WDR44: variants seen among roughly 807,000 people sequenced by gnomAD.
The protein encoded by WDR44 is WD repeat-containing protein 44.
In WDR44, 9 loss-of-function variants were observed where a neutral mutation model predicts 65.7. That is an observed-to-expected ratio of 0.14 (90% CI 0.08 to 0.24). WDR44 has a LOEUF of 0.24. WDR44 is among the 10% of genes least tolerant of loss of function. WDR44 has a pLI of 1.00. For missense variants in WDR44, 425 were observed against 670.9 expected (o/e 0.63, Z 4.05); for synonymous variants, 220 against 235.2 (o/e 0.94, Z 0.59).
At chrX:118,363,401 CAAAAAAA>C (rs58108879) in intron 1 of WDR44, among the ~76,000 whole-genome samples, 2 of 35,510 alleles carry the variant, frequency 5.6e-5, no homozygotes, top group African/African-American at 1.5e-4. Context: ...AACTCCGTCT[CAAAAAAA>C]AAAAAAAAAA....
intron 1 of WDR44, among the ~76,000 whole-genome samples, chrX:118,364,121 C>T (rs1335853834): frequency 8.9e-6 from 1 of 112,335 alleles, no homozygotes; most frequent in Non-Finnish European, 1.9e-5. Flanking sequence ...AATCAGAAAT[C>T]TCTGTTTTCC....
At chrX:118,381,969 C>G (rs1377036788) in intron 2 of WDR44, among the ~76,000 whole-genome samples, 1 of 111,272 alleles carries the variant, frequency 9.0e-6, no homozygotes, top group Non-Finnish European at 1.9e-5. Context: ...GTCTCAAGGA[C>G]TCCTCCCACC....
At chrX:118,409,143 T>C (rs921854630) in intron 10 of WDR44, among the ~76,000 whole-genome samples, 4 of 111,621 alleles carry the variant, frequency 3.6e-5, no homozygotes, top group African/African-American at 6.5e-5. Flanking sequence ...TTTATTATTA[T>C]TTTTAGATAG....
At chrX:118,404,607 T>G (rs1475561648) in intron 9 of WDR44, among the ~76,000 whole-genome samples, 163 bp downstream of exon 9, 1 of 112,425 alleles carries the variant, frequency 8.9e-6, no homozygotes, top group Non-Finnish European at 1.9e-5. Flanking sequence ...ATTTTATGAG[T>G]GTGAAGAAAA....
intron 2 of WDR44, among the ~76,000 whole-genome samples, chrX:118,385,399 A>G (rs2056757500): frequency 8.9e-6 from 1 of 112,019 alleles, no homozygotes; most frequent in African/African-American, 3.2e-5. Flanking sequence ...AAATCAATGC[A>G]GGAACAGAAA....
intron 12 of WDR44, among the ~76,000 whole-genome samples, chrX:118,420,204 A>G (rs1389091359): frequency 9.0e-6 from 1 of 111,648 alleles, no homozygotes; most frequent in African/African-American, 3.3e-5. Flanking sequence ...GCCACCAGCC[A>G]GCCAGGTTTT....
rs1401871160 is a variant in WDR44 at position 118,408,943 on chromosome X, G to C, written c.1534-546G>C. Among the ~76,000 whole-genome samples the C allele has an allele frequency of 4.5e-5, 5 of 111,740 alleles. No homozygotes were observed. The South Asian group carries it at 1.8e-3, about 41-fold the overall frequency. Reference sequence around the variant, plus strand: ...GGACAGGGTTTGAGTTCTTGAAGTTGTTAGTTTAGATTATGGAACACTACA... The same window carrying C: ...GGACAGGGTTTGAGTTCTTGAAGTTCTTAGTTTAGATTATGGAACACTACA... On this transcript the variant is annotated intron_variant, in intron 10 of 19. Coordinates refer to ENST00000254029, the MANE Select transcript of WDR44 (RefSeq NM_019045.5).
intron 12 of WDR44, among the ~76,000 whole-genome samples, chrX:118,431,530 C>T (rs1028068009): frequency 4.5e-5 from 5 of 111,064 alleles, no homozygotes; most frequent in Non-Finnish European, 9.4e-5. Context: ...CTTGAACTAC[C>T]GACCTCAGGT....
rs756433856 is a variant in WDR44 at position 118,441,570 on chromosome X, G to A, written c.2166+11G>A. The stretch of plus-strand genomic sequence containing the variant: ...TTCTATGATACAGAGGTAAATGATT[G>A]TTTTTTGTAAATTATATAATTGTAT... On this transcript the variant is annotated intron_variant, in intron 15 of 19. Coordinates refer to ENST00000254029, the MANE Select transcript of WDR44 (RefSeq NM_019045.5). The A allele has an allele frequency of 1.7e-6, 2 of 1,179,810 alleles. No homozygotes were observed. Among genetic ancestry groups the A allele is most frequent in the East Asian group, 6.0e-5 (2 of 33,477 alleles).
At chrX:118,390,827 G>A (rs1449889001) in intron 3 of WDR44, among the ~76,000 whole-genome samples, 1 of 111,841 alleles carries the variant, frequency 8.9e-6, no homozygotes, top group South Asian at 3.7e-4. Context: ...CATCACTGAA[G>A]ATTTAGTATT....
At chrX:118,360,917 T>C (rs1260606601) in intron 1 of WDR44, among the ~76,000 whole-genome samples, 1 of 111,844 alleles carries the variant, frequency 8.9e-6, no homozygotes, top group East Asian at 2.8e-4. Context: ...CCTCCTTCCA[T>C]GTCATTGCTC....
intron 10 of WDR44, among the ~76,000 whole-genome samples, 169 bp from the exon 11 acceptor site, chrX:118,409,320 G>A (rs111479291): frequency 1.7e-3 from 187 of 109,967 alleles, no homozygotes; most frequent in African/African-American, 5.2e-3. Flanking sequence ...AGCAGAGATG[G>A]GGTTTTACCA....
At chrX:118,365,095 G>A (rs1602867868) in intron 1 of WDR44, among the ~76,000 whole-genome samples, 1 of 111,519 alleles carries the variant, frequency 9.0e-6, no homozygotes, top group East Asian at 2.8e-4. Context: ...GTTCCTAAAT[G>A]TGCTTTTATC....
rs2056682250 is a variant in WDR44, at chrX:118,378,512, T to A, written c.111+60T>A. On this transcript the variant is annotated intron_variant, in intron 2 of 19. Coordinates refer to ENST00000254029, the MANE Select transcript of WDR44 (RefSeq NM_019045.5). ...AATTGTATACTTTTTATTCGTGTTTTTGTGTAATTCTTCATTTTCTTGCTT... is the reference window on the plus strand; with the variant it reads ...AATTGTATACTTTTTATTCGTGTTTATGTGTAATTCTTCATTTTCTTGCTT... 1.8e-5 allele frequency: 20 copies of A among 1,092,155 alleles called. No individual in the cohort carries two copies. The South Asian group carries it at 3.9e-4, about 21-fold the overall frequency. The allele number at this position is 1,092,155 out of a possible 1,213,427, so 90.0% of individuals were successfully genotyped here.
At chrX:118,396,938 T>A (rs181255135) in intron 6 of WDR44, 32 bp from the exon 7 acceptor site, 148 of 1,147,746 alleles carry the variant, frequency 1.3e-4, no homozygotes, top group Admixed American at 8.2e-4. Flanking sequence ...GCAGGTCATC[T>A]TGGTGTGATT....
intron 1 of WDR44, among the ~76,000 whole-genome samples, chrX:118,371,953 A>G (rs1392890703): frequency 1.8e-5 from 2 of 109,371 alleles, no homozygotes; most frequent in Admixed American, 2.0e-4. Flanking sequence ...TAGTATCTAT[A>G]GAATATTTTG....
intron 1 of WDR44, among the ~76,000 whole-genome samples, chrX:118,347,772 G>A (rs1317757098): frequency 8.9e-6 from 1 of 112,397 alleles, no homozygotes; most frequent in Non-Finnish European, 1.9e-5. Flanking sequence ...AATGTACGTT[G>A]GTAGATTTCA....
At chrX:118,411,013 A>G in intron 12 of WDR44, 54 bp downstream of exon 12, 1 of 977,177 alleles carries the variant, frequency 1.0e-6, no homozygotes, top group Non-Finnish European at 1.4e-6. Context: ...TAATTTGTTT[A>G]CCATAAAGTA....
chrX:118,388,099 GT>G (rs749669675), intron 3 of WDR44, among the ~76,000 whole-genome samples: 23 of 111,229 alleles, frequency 2.1e-4, no homozygotes, highest in African/African-American at 6.9e-4. Context: ...GGCCTGTTGT[GT>G]GCATTGTAAG....
Sources: gnomAD v4.1 joint callset for allele counts (sites outside exome capture counted in the v4.1 genomes callset) on GRCh38, gnomAD v4.1.1 for gene constraint, MANE v1.5 for transcripts, NCBI Gene and HGNC (gene_info 2026-07-23, HGNC 2026-07-21) for gene names.